Variants in HOMER1 observed in about 807,000 individuals in gnomAD.
HOMER1 encodes the protein homer protein homolog 1.
Under a neutral mutation model 48.9 loss-of-function variants are expected in HOMER1, and 3 were observed. That is an observed-to-expected ratio of 0.06 (90% confidence interval 0.03 to 0.16). The LOEUF (loss-of-function observed/expected upper bound fraction) is 0.16. Among genes scored for constraint, HOMER1 ranks in the 10% least tolerant of loss-of-function variants. The pLI is 1.00. For missense variants in HOMER1, 247 were observed against 411.4 expected, an observed-to-expected ratio of 0.60 and a Z score of 3.46; for synonymous variants, 134 against 146.4, an observed-to-expected ratio of 0.92 and a Z score of 0.61.
Position 79,439,008 on chromosome 5 carries a change from A to G in HOMER1, c.527+2T>C. 6.2e-7 allele frequency: 1 copy of G among 1,612,534 alleles called. No homozygotes were observed. Among genetic ancestry groups the G allele is most frequent in the Non-Finnish European group, 8.5e-7 (1 of 1,178,722 alleles). On this transcript the variant is annotated splice_donor_variant, in intron 5 of 8. Coordinates refer to ENST00000334082, the MANE Select transcript of HOMER1 (RefSeq NM_004272.5). LOFTEE classifies it high-confidence loss of function. ...ATCATAATTGCTGAATTGAATCTGTACCTATGTGAAAATGGCAATGCATTC... is the reference window on the plus strand; with the variant it reads ...ATCATAATTGCTGAATTGAATCTGTGCCTATGTGAAAATGGCAATGCATTC...
intron 5 of HOMER1, among the ~76,000 whole-genome samples, chr5:79,417,267 T>C (rs918815064): frequency 1.3e-5 from 2 of 152,032 alleles, no homozygotes; most frequent in Non-Finnish European, 2.9e-5. Flanking sequence ...CTCAGCCTCC[T>C]GAGTAGCTGG....
intron 1 of HOMER1, among the ~76,000 whole-genome samples, chr5:79,467,609 T>C (rs1392181920): frequency 6.6e-6 from 1 of 152,160 alleles, no homozygotes; most frequent in African/African-American, 2.4e-5. Context: ...TTGAACAAAA[T>C]GTTAACATTT....
At chr5:79,502,356 A>T (rs995003718) in intron 1 of HOMER1, among the ~76,000 whole-genome samples, 39 of 152,008 alleles carry the variant, frequency 2.6e-4, no homozygotes, top group South Asian at 2.3e-3. Context: ...TATTTTTTTT[A>T]AAACCCTCAC....
At chr5:79,507,231 A>AAAAC (rs1752802453) in intron 1 of HOMER1, among the ~76,000 whole-genome samples, 1 of 151,134 alleles carries the variant, frequency 6.6e-6, no homozygotes, top group Admixed American at 6.6e-5. Context: ...AAAAAAAAAA[A>AAAAC]AAAACCAAAA....
intron 1 of HOMER1, among the ~76,000 whole-genome samples, chr5:79,467,327 GTTGCAGTGAGCCGAGA>G (rs1751497777): frequency 7.0e-6 from 1 of 142,306 alleles, no homozygotes; most frequent in South Asian, 2.3e-4. Context: ...GGAGGCTGAG[GTTGCAGTGAGCCGAGA>G]TTGCACCATT....
intron 3 of HOMER1, 51 bp from the exon 4 acceptor site, chr5:79,447,196 G>T: frequency 9.0e-7 from 1 of 1,112,032 alleles, no homozygotes; most frequent in Non-Finnish European, 1.4e-6. Flanking sequence ...AGGTCACAGT[G>T]CCCACTTTTA....
chr5:79,490,281 T>C (rs1212365693), intron 1 of HOMER1, among the ~76,000 whole-genome samples: 2 of 152,208 alleles, frequency 1.3e-5, no homozygotes, highest in Non-Finnish European at 2.9e-5. Flanking sequence ...TGAGCTTCTT[T>C]TATTTATTTT....
At chr5:79,503,191 T>G (rs968900883) in intron 1 of HOMER1, among the ~76,000 whole-genome samples, 5 of 152,210 alleles carry the variant, frequency 3.3e-5, no homozygotes, top group Non-Finnish European at 2.9e-5. Context: ...GTGTATTATA[T>G]ACTGTACTCA....
chr5:79,492,232 G>A (rs1057279863), intron 1 of HOMER1, among the ~76,000 whole-genome samples: 8 of 152,076 alleles, frequency 5.3e-5, no homozygotes, highest in Non-Finnish European at 1.0e-4. Context: ...CCATCATCAT[G>A]AAAGTGCCCA....
At position 79,444,516 on chromosome 5, in the gene HOMER1, G is replaced by A. The variant is rs183945514; in HGVS notation, c.387+2537C>T. On this transcript the variant is annotated intron_variant, in intron 4 of 8. Transcript: ENST00000334082. The stretch of plus-strand genomic sequence containing the variant: ...ATTTCCTTATTCTTTATATTTCATA[G>A]TATTTTTCAAATATAAGCATCTTTT... 3.3e-3 allele frequency among the ~76,000 whole-genome samples: 507 copies of A among 152,272 alleles called. 1 individual carries two copies. Among genetic ancestry groups the A allele is most frequent in the Middle Eastern group, 0.01 (3 of 294 alleles).
intron 1 of HOMER1, among the ~76,000 whole-genome samples, chr5:79,464,928 T>C (rs1393164577): frequency 6.6e-6 from 1 of 152,146 alleles, no homozygotes; most frequent in Non-Finnish European, 1.5e-5. Context: ...GAACCAAAAA[T>C]ATAGCAGGTG....
chr5:79,501,133 G>T (rs1452187140), intron 1 of HOMER1, among the ~76,000 whole-genome samples: 3 of 151,866 alleles, frequency 2.0e-5, no homozygotes, highest in Non-Finnish European at 4.4e-5. Context: ...ACCAAGCCTG[G>T]CTAATGTTTG....
intron 6 of HOMER1, among the ~76,000 whole-genome samples, chr5:79,399,381 A>G (rs1419826340): frequency 2.0e-5 from 3 of 152,210 alleles, no homozygotes; most frequent in African/African-American, 4.8e-5. Context: ...AGGAGTAGGA[A>G]AAGAGCTGGA....
chr5:79,430,664 C>T (rs898854719), intron 5 of HOMER1, among the ~76,000 whole-genome samples: 2 of 152,300 alleles, frequency 1.3e-5, no homozygotes, highest in East Asian at 1.9e-4. Context: ...TGGTGCCGGG[C>T]GTGGTGGCTC....
At chr5:79,489,093 T>A (rs967977873) in intron 1 of HOMER1, among the ~76,000 whole-genome samples, 2 of 152,174 alleles carry the variant, frequency 1.3e-5, no homozygotes, top group African/African-American at 4.8e-5. Flanking sequence ...GACTCTATTC[T>A]CAAAGACAGT....
At chr5:79,491,857 A>G in intron 1 of HOMER1, among the ~76,000 whole-genome samples, 1 of 152,226 alleles carries the variant, frequency 6.6e-6, no homozygotes, top group East Asian at 1.9e-4. Flanking sequence ...CATCTTCACA[A>G]TTGTATCCCC....
chr5:79,511,280 A>T (rs1752935188), intron 1 of HOMER1, among the ~76,000 whole-genome samples: 1 of 152,208 alleles, frequency 6.6e-6, no homozygotes, highest in Non-Finnish European at 1.5e-5. Flanking sequence ...AATTGGTGCA[A>T]TTCATCCAAA....
intron 8 of HOMER1, among the ~76,000 whole-genome samples, chr5:79,379,241 A>ATAT (rs1554056140): frequency 3.1e-4 from 20 of 65,004 alleles, no homozygotes; most frequent in Admixed American, 6.1e-4. Flanking sequence ...TATATTATAT[A>ATAT]TTATATATAT....
rs147722385 is a variant in HOMER1 at position 79,498,288 on chromosome 5, A to G, written c.5+14482T>C. On this transcript the variant is annotated intron_variant, in intron 1 of 8. Transcript: ENST00000334082. ...GTGGCACATGCCTGTATTCCCAGCT[A>G]CTTGGGAGGCTGAGGCAGAATCACT... is the stretch of plus-strand genomic sequence containing the variant. Among the ~76,000 whole-genome samples, 24 of 152,304 alleles carry G rather than the reference A, an allele frequency of 1.6e-4. No individual in the cohort carries two copies. In the East Asian group the frequency reaches 4.4e-3, roughly 28 times the overall value.
Sources: gnomAD v4.1 joint callset for allele counts (sites outside exome capture counted in the v4.1 genomes callset) on GRCh38, gnomAD v4.1.1 for gene constraint, MANE v1.5 for transcripts, NCBI Gene and HGNC (gene_info 2026-07-23, HGNC 2026-07-21) for gene names.